The following AHCYL2 variants were observed in gnomAD, a reference collection of about 807,000 sequenced individuals.
AHCYL2 encodes adenosylhomocysteinase like 2.
A neutral mutation model predicts 81.4 loss-of-function variants in AHCYL2; 28 were observed. The ratio of observed to expected loss-of-function variants is 0.34; its 90% confidence interval spans 0.25 to 0.47. The LOEUF (loss-of-function observed/expected upper bound fraction) is 0.47. Among genes scored for constraint, AHCYL2 ranks in the 20% least tolerant of loss-of-function variants. The probability of loss-of-function intolerance (pLI) is 1.00; values close to 1 mark genes in which losing one functional copy is unlikely to be tolerated. For synonymous variants in AHCYL2, 272 were observed against 290.2 expected, an observed-to-expected ratio of 0.94 and a Z score of 0.64; for missense variants, 551 against 785.1, an observed-to-expected ratio of 0.70 and a Z score of 3.56.
chr7:129,285,027 G>A (rs977417474), intron 1 of AHCYL2, among the ~76,000 whole-genome samples: 2 of 152,188 alleles, frequency 1.3e-5, no homozygotes, highest in Non-Finnish European at 2.9e-5. Flanking sequence ...AGAAAACATG[G>A]TACAGAAGAG....
At chr7:129,322,109 T>TTG (rs72103588) in intron 1 of AHCYL2, among the ~76,000 whole-genome samples, 8,567 of 145,194 alleles carry the variant, frequency 0.059, 311 homozygotes, top group South Asian at 0.12. Context: ...GGGCCAGGTT[T>TTG]TGTGTGTGTG....
chr7:129,314,211 T>A (rs1349316526), intron 1 of AHCYL2, among the ~76,000 whole-genome samples: 2 of 152,206 alleles, frequency 1.3e-5, no homozygotes, highest in Non-Finnish European at 2.9e-5. Context: ...GGTCTTCCCA[T>A]AAATCTCCTC....
chr7:129,299,404 T>C (rs1797178473), intron 1 of AHCYL2, among the ~76,000 whole-genome samples: 2 of 90,356 alleles, frequency 2.2e-5, no homozygotes, highest in Admixed American at 2.5e-4. Context: ...TTTTTTTTTT[T>C]TTTTTTTGAG....
At chr7:129,326,399 C>T (rs1037853904) in intron 1 of AHCYL2, among the ~76,000 whole-genome samples, 2 of 151,944 alleles carry the variant, frequency 1.3e-5, no homozygotes, top group Admixed American at 6.6e-5. Context: ...TGGTGGCAGG[C>T]GCCTATAATC....
rs532476658 is a variant in AHCYL2, at chr7:129,362,608, T to G, written c.364-17030T>G. ...TTATTGGTTTTCTTGTTTTTTTTTTTTTTTTTTTTTTTTTTTATGGTCTCA... is the reference window on the plus strand; with the variant it reads ...TTATTGGTTTTCTTGTTTTTTTTTTGTTTTTTTTTTTTTTTTATGGTCTCA... On this transcript the variant is annotated intron_variant, in intron 1 of 16. Coordinates refer to ENST00000325006, the MANE Select transcript of AHCYL2 (RefSeq NM_015328.4). 8.8e-4 allele frequency among the ~76,000 whole-genome samples: 128 copies of G among 144,912 alleles called. 1 individual carries two copies. Among genetic ancestry groups the G allele is most frequent in the Admixed American group, 1.9e-3 (27 of 14,590 alleles).
At chr7:129,309,750 C>T (rs1279251240) in intron 1 of AHCYL2, among the ~76,000 whole-genome samples, 4 of 152,120 alleles carry the variant, frequency 2.6e-5, no homozygotes, top group Admixed American at 6.6e-5. Context: ...TCTCTAAGCT[C>T]ATGTCTCTAA....
chr7:129,423,810 T>C (rs1797228839), intron 13 of AHCYL2, among the ~76,000 whole-genome samples: 1 of 152,200 alleles, frequency 6.6e-6, no homozygotes, highest in Admixed American at 6.5e-5. Flanking sequence ...CCTCACTTTA[T>C]CTCATCTTCT....
intron 1 of AHCYL2, among the ~76,000 whole-genome samples, chr7:129,259,602 C>A (rs1252209647): frequency 6.6e-6 from 1 of 152,124 alleles, no homozygotes; most frequent in African/African-American, 2.4e-5. Context: ...GGCTTGTAAG[C>A]GAGAAGCTTA....
At chr7:129,404,676 A>AAAAC (rs1210151833) in intron 7 of AHCYL2, among the ~76,000 whole-genome samples, 4 of 152,300 alleles carry the variant, frequency 2.6e-5, no homozygotes, top group Non-Finnish European at 4.4e-5. Context: ...ACTCCATCTC[A>AAAAC]AAACAAACAA....
intron 1 of AHCYL2, among the ~76,000 whole-genome samples, chr7:129,282,293 G>A (rs1392351251): frequency 6.6e-6 from 1 of 151,902 alleles, no homozygotes; most frequent in Non-Finnish European, 1.5e-5. Flanking sequence ...GGAAAAATTT[G>A]GCCACTATTT....
chr7:129,382,418 G>A (rs1324191408), intron 2 of AHCYL2, among the ~76,000 whole-genome samples: 1 of 152,048 alleles, frequency 6.6e-6, no homozygotes, highest in Non-Finnish European at 1.5e-5. Context: ...TTGCTAACAC[G>A]GTGAAACCCC....
At chr7:129,280,190 G>C (rs202225954) in intron 1 of AHCYL2, among the ~76,000 whole-genome samples, 1 of 12,194 alleles carries the variant, frequency 8.2e-5, no homozygotes, top group African/African-American at 2.2e-4. Flanking sequence ...TTTTTTTTTT[G>C]AGAGAGTCTC....
In AHCYL2 at chr7:129,405,886, G is replaced by A; in HGVS notation, c.1193G>A (p.Cys398Tyr). Residue 398 changes from cysteine (C) to tyrosine (Y), a missense_variant, in exon 9 of 17, where the codon TGT becomes TAT. By Grantham distance (194) the Cys-to-Tyr change is radical (BLOSUM62 -2). Transcript: ENST00000325006. Reference protein sequence around the residue: ...MMFGGKQVVVCGYGEVGKGCC... With the variant: ...MMFGGKQVVVYGYGEVGKGCC... ...TTTGGTGGAAAGCAAGTGGTAGTCT[G>A]TGGCTATGGAGAGGTGAAGTTTAAC... 6.2e-7 allele frequency: 1 copy of A among 1,613,696 alleles called. No individual in the cohort carries two copies. Among genetic ancestry groups the A allele is most frequent in the Non-Finnish European group, 8.5e-7 (1 of 1,179,838 alleles).
At chr7:129,380,327 A>G (rs1563222506) in intron 2 of AHCYL2, among the ~76,000 whole-genome samples, 2 of 152,202 alleles carry the variant, frequency 1.3e-5, no homozygotes, top group Admixed American at 6.5e-5. Context: ...GTGAGCTGTT[A>G]CTGTGTAGGA....
At chr7:129,385,835 T>C (rs1165789809) in intron 2 of AHCYL2, among the ~76,000 whole-genome samples, 1 of 152,184 alleles carries the variant, frequency 6.6e-6, no homozygotes, top group Non-Finnish European at 1.5e-5. Flanking sequence ...CAATTACAAA[T>C]ATTTTAGAAA....
chr7:129,424,683 G>T, intron 13 of AHCYL2, 191 bp from the exon 14 acceptor site: 1 of 612,758 alleles, frequency 1.6e-6, no homozygotes, highest in Non-Finnish European at 2.9e-6. Context: ...AGTTTCATCA[G>T]ATTTTCCAGA....
intron 10 of AHCYL2, among the ~76,000 whole-genome samples, chr7:129,408,625 G>A (rs1297987319): frequency 6.6e-6 from 1 of 152,166 alleles, no homozygotes; most frequent in Non-Finnish European, 1.5e-5. Flanking sequence ...TTGATCCTTG[G>A]CTATGAAGCT....
At chr7:129,258,373 A>G (rs1415010326) in intron 1 of AHCYL2, among the ~76,000 whole-genome samples, 1 of 151,970 alleles carries the variant, frequency 6.6e-6, no homozygotes, top group Non-Finnish European at 1.5e-5. Context: ...CGTGTATACC[A>G]GGACTACATG....
rs558222013 is a variant in AHCYL2, at chr7:129,419,757, C to T, written c.1462-3083C>T. Among the ~76,000 whole-genome samples, 14 of 151,860 alleles carry T rather than the reference C, an allele frequency of 9.2e-5. No homozygotes were observed. The highest frequency in any genetic ancestry group is 3.1e-4 in the African/African-American group (13 of 41,388). On this transcript the variant is annotated intron_variant, in intron 12 of 16. Coordinates refer to ENST00000325006, the MANE Select transcript of AHCYL2 (RefSeq NM_015328.4). This position sits in a 1 kb window ranked among gnomAD's most constrained non-coding sequence, Gnocchi z 4.7. ...TGAAAAAAAAAAAACAAAAAAAAAC[C>T]GGATATGCACTGTTCAGAATTATAT... is the stretch of plus-strand genomic sequence containing the variant.
Sources: allele counts gnomAD v4.1 joint callset (sites outside exome capture counted in the v4.1 genomes callset), GRCh38; gene constraint gnomAD v4.1.1; non-coding constraint Gnocchi (gnomAD v3.1); transcripts MANE v1.5; gene names NCBI Gene and HGNC (gene_info 2026-07-23, HGNC 2026-07-21).